PCDHA8: variants seen among roughly 807,000 people sequenced by gnomAD.
The protein encoded by PCDHA8 is protocadherin alpha-8.
PCDHA8 carries 53 observed loss-of-function variants against 61.8 expected under a neutral mutation model. The ratio of observed to expected loss-of-function variants is 0.86; its 90% CI spans 0.69 to 1.08. The LOEUF (loss-of-function observed/expected upper bound fraction) is 1.08. Ranked by LOEUF, PCDHA8 falls within the 50% of genes least tolerant of loss-of-function variation. The pLI, the probability that PCDHA8 is intolerant of heterozygous loss-of-function variation, is 0.00. For synonymous variants in PCDHA8, 618 were observed against 556.6 expected (o/e 1.11, Z -1.55); for missense variants, 1,293 against 1,245.0 (o/e 1.04, Z -0.58).
At chr5:140,964,213 A>G (rs1338010666) in intron 1 of PCDHA8, among the ~76,000 whole-genome samples, 10 of 152,210 alleles carry the variant, frequency 6.6e-5, no homozygotes, top group African/African-American at 1.9e-4. Flanking sequence ...CTTTAGTACA[A>G]TGTCTTTCAA....
At position 140,877,744 on chromosome 5, in the gene PCDHA8, G is replaced by T. The variant is rs200651425; in HGVS notation, c.2394+34029G>T. ...TTACTCGCAGCAGAGGAGGCAGAGG[G>T]TGTGCTCTGCAGAGAGCCCGCCCAA... On this transcript the variant is annotated intron_variant, in intron 1 of 3. Coordinates refer to ENST00000531613, the MANE Select transcript of PCDHA8 (RefSeq NM_018911.3). The T allele has an allele frequency of 3.3e-3, 5,393 of 1,614,198 alleles. 26 individuals carry two copies. Among genetic ancestry groups the T allele is most frequent in the South Asian group, 0.011 (995 of 91,084 alleles).
intron 3 of PCDHA8, among the ~76,000 whole-genome samples, chr5:140,985,840 T>C (rs1441638586): frequency 2.0e-5 from 3 of 149,512 alleles, no homozygotes; most frequent in African/African-American, 7.4e-5. Flanking sequence ...CCCGGGTTCA[T>C]GCCACTCTCC....
chr5:140,897,214 G>A (rs1355389573), intron 1 of PCDHA8, among the ~76,000 whole-genome samples: 1 of 151,764 alleles, frequency 6.6e-6, no homozygotes, highest in Non-Finnish European at 1.5e-5. Flanking sequence ...TTAAGTTTTA[G>A]GGTACATGTG....
intron 1 of PCDHA8, among the ~76,000 whole-genome samples, chr5:140,951,356 C>T (rs1362153667): frequency 6.6e-6 from 1 of 151,998 alleles, no homozygotes; most frequent in African/African-American, 2.4e-5. Flanking sequence ...CATTATTGCA[C>T]TGTTATAAAG....
chr5:140,929,870 A>T (rs1056539262), intron 1 of PCDHA8: 1 of 153,262 alleles, frequency 6.5e-6, no homozygotes, highest in Admixed American at 6.5e-5. Flanking sequence ...AGGCTTTGTG[A>T]TAGAGATCAC....
At chr5:140,947,252 T>A (rs1554218120) in intron 1 of PCDHA8, among the ~76,000 whole-genome samples, 1 of 151,596 alleles carries the variant, frequency 6.6e-6, no homozygotes, top group Non-Finnish European at 1.5e-5. Flanking sequence ...GATAATCCAA[T>A]GTACCATTTG....
intron 3 of PCDHA8, among the ~76,000 whole-genome samples, chr5:141,000,416 TA>T (rs1479552208): frequency 1.6e-3 from 150 of 93,344 alleles, no homozygotes; most frequent in Non-Finnish European, 2.1e-3. Flanking sequence ...TATATATATA[TA>T]TATATTTTTT....
chr5:140,926,852 T>C, intron 1 of PCDHA8: 2 of 1,517,714 alleles, frequency 1.3e-6, no homozygotes, highest in Non-Finnish European at 1.8e-6. Flanking sequence ...GGGTCACCGT[T>C]GGTGTAGCGT....
intron 3 of PCDHA8, among the ~76,000 whole-genome samples, chr5:140,996,177 C>T (rs1214472705): frequency 6.6e-6 from 1 of 152,226 alleles, no homozygotes; most frequent in Non-Finnish European, 1.5e-5. Flanking sequence ...GCTGACAGCA[C>T]CTCCATTTTA....
At chr5:140,844,298 G>A (rs1779310568) in intron 1 of PCDHA8, among the ~76,000 whole-genome samples, 1 of 149,300 alleles carries the variant, frequency 6.7e-6, no homozygotes, top group Admixed American at 6.7e-5. Flanking sequence ...AAATTTGATA[G>A]TTTTCATATT....
chr5:140,849,800 G>A, intron 1 of PCDHA8: 1 of 1,598,514 alleles, frequency 6.3e-7, no homozygotes, highest in African/African-American at 1.3e-5. Context: ...CGCCTTCACT[G>A]TGGGCCACGG....
chr5:140,898,653 G>A (rs1321472129), intron 1 of PCDHA8, among the ~76,000 whole-genome samples: 1 of 152,202 alleles, frequency 6.6e-6, no homozygotes, highest in Non-Finnish European at 1.5e-5. Context: ...TTTTGGCTTA[G>A]GATTGACTTG....
At chr5:140,882,567 C>T (rs1554174625) in intron 1 of PCDHA8, 12 of 1,614,092 alleles carry the variant, frequency 7.4e-6, no homozygotes, top group East Asian at 2.2e-5. Context: ...GGGCGGAGCG[C>T]GGAGTGCAGC....
At chr5:140,844,958 C>T (rs1211127750) in intron 1 of PCDHA8, among the ~76,000 whole-genome samples, 1 of 149,184 alleles carries the variant, frequency 6.7e-6, no homozygotes, top group Non-Finnish European at 1.5e-5. Context: ...TGAATTCTTA[C>T]AGTTTGTTAT....
intron 1 of PCDHA8, among the ~76,000 whole-genome samples, chr5:140,965,377 A>T (rs1479954226): frequency 6.6e-6 from 1 of 152,190 alleles, no homozygotes; most frequent in African/African-American, 2.4e-5. Context: ...AAACTTGGGG[A>T]CACAGAAGAA....
chr5:140,899,171 A>G (rs1302003338), intron 1 of PCDHA8, among the ~76,000 whole-genome samples: 1 of 152,058 alleles, frequency 6.6e-6, no homozygotes, highest in Non-Finnish European at 1.5e-5. Context: ...TCCTAATTGA[A>G]TACCCTTTAT....
At chr5:140,938,133 A>G (rs2091933876) in intron 1 of PCDHA8, among the ~76,000 whole-genome samples, 1 of 152,268 alleles carries the variant, frequency 6.6e-6, no homozygotes, top group South Asian at 2.1e-4. Context: ...AAAAATAGAG[A>G]TAGAGTCTCA....
rs377081112 is a variant in PCDHA8 at position 140,871,063 on chromosome 5, G to T, written c.2394+27348G>T. The T allele has an allele frequency of 1.1e-5, 18 of 1,613,154 alleles. No homozygotes were observed. In the African/African-American group the frequency reaches 2.0e-4, roughly 18 times the overall value. On this transcript the variant is annotated intron_variant, in intron 1 of 3. Transcript: ENST00000531613. ...ACTTCTAGTACTGGTGAAGGATCAC[G>T]GTGAGCCGGCGCTGACGGCCACGGC...
At chr5:140,884,122 G>T (rs1212118784) in intron 1 of PCDHA8, 1 of 1,613,188 alleles carries the variant, frequency 6.2e-7, no homozygotes, top group Non-Finnish European at 8.5e-7. Context: ...CGGTCGGCGC[G>T]CGCATCCCGT....
Sources: allele counts gnomAD v4.1 joint callset (sites outside exome capture counted in the v4.1 genomes callset), GRCh38; gene constraint gnomAD v4.1.1; transcripts MANE v1.5; gene names NCBI Gene and HGNC (gene_info 2026-07-23, HGNC 2026-07-21).